Variants in PLXNA4 observed in about 807,000 individuals in gnomAD.
PLXNA4 encodes the protein plexin-A4.
Under a neutral mutation model 191.8 loss-of-function variants are expected in PLXNA4, and 44 were observed. The observed-to-expected ratio is 0.23, with a 90% CI of 0.18 to 0.29. PLXNA4 has a LOEUF of 0.29. Ranked by LOEUF, PLXNA4 falls within the 10% of genes least tolerant of loss-of-function variation. PLXNA4 has a pLI of 1.00. For synonymous variants in PLXNA4, 1,082 were observed against 1,009.5 expected (o/e 1.07, Z -1.36); for missense variants, 1,800 against 2,488.8 (o/e 0.72, Z 5.89).
At chr7:132,579,220 G>A (rs1161134236), upstream of PLXNA4, among the ~76,000 whole-genome samples, 1 of 152,058 alleles carries the variant, frequency 6.6e-6, no homozygotes, top group South Asian at 2.1e-4. Flanking sequence ...GTCCCTAATG[G>A]GTTACTTAAG....
At chr7:132,579,768 C>CT (rs111472479), upstream of PLXNA4, among the ~76,000 whole-genome samples, 5,797 of 152,224 alleles carry the variant, frequency 0.038, 258 homozygotes, top group African/African-American at 0.1. Context: ...CTCAAATTGC[C>CT]TTTCCCCGGT....
rs140417351 is a variant in PLXNA4 at position 132,390,915 on chromosome 7, T to C, written c.1372-92693A>G. On this transcript the variant is annotated intron_variant, in intron 3 of 31. Coordinates refer to ENST00000321063, the MANE Select transcript of PLXNA4 (RefSeq NM_020911.2). Reference sequence around the variant, plus strand: ...TGTCTGTAATAAGACAGTAAATTCTTTGCTGGTGACTCAAAAGCCGGTAAG... The same window carrying C: ...TGTCTGTAATAAGACAGTAAATTCTCTGCTGGTGACTCAAAAGCCGGTAAG... Among the ~76,000 whole-genome samples, 30 of 152,336 alleles carry C rather than the reference T, an allele frequency of 2.0e-4. No homozygotes were observed. In the East Asian group the frequency reaches 5.4e-3, roughly 27 times the overall value.
At chr7:132,478,478 A>AGGGAC (rs1383998514) in intron 3 of PLXNA4, among the ~76,000 whole-genome samples, 1 of 152,230 alleles carries the variant, frequency 6.6e-6, no homozygotes, top group Non-Finnish European at 1.5e-5. Context: ...GAAGAACAAA[A>AGGGAC]GGGACAGAGC....
chr7:132,237,568 GT>G (rs1798743837), intron 5 of PLXNA4, among the ~76,000 whole-genome samples: 1 of 152,148 alleles, frequency 6.6e-6, no homozygotes, highest in African/African-American at 2.4e-5. Context: ...TCCTGGAAGA[GT>G]TGGGCTTTAC....
chr7:132,614,752 A>T (rs911951383), intron 2 of PLXNA4, among the ~76,000 whole-genome samples: 3 of 152,226 alleles, frequency 2.0e-5, no homozygotes, highest in African/African-American at 7.2e-5. Flanking sequence ...CAGTTTATTC[A>T]GGTCTCTTGA....
At chr7:132,231,451 G>C (rs1315083339) in intron 5 of PLXNA4, among the ~76,000 whole-genome samples, 1 of 151,994 alleles carries the variant, frequency 6.6e-6, no homozygotes, top group Non-Finnish European at 1.5e-5. Context: ...TTGAGACAGA[G>C]TCTGGCTCTG....
chr7:132,347,208 C>G (rs1014678132), intron 3 of PLXNA4, among the ~76,000 whole-genome samples: 3 of 152,146 alleles, frequency 2.0e-5, no homozygotes, highest in African/African-American at 4.8e-5. Context: ...TCCCTTCCCC[C>G]CAAAAAAGGA....
chr7:132,238,870 C>T (rs1230874930), intron 5 of PLXNA4, among the ~76,000 whole-genome samples: 3 of 152,164 alleles, frequency 2.0e-5, no homozygotes, highest in African/African-American at 4.8e-5. Flanking sequence ...AACATTCCTG[C>T]CCCACCCTAC....
chr7:132,426,190 G>A (rs547503555), intron 3 of PLXNA4, among the ~76,000 whole-genome samples: 2 of 152,194 alleles, frequency 1.3e-5, no homozygotes, highest in Non-Finnish European at 2.9e-5. Context: ...GATGCCCAGA[G>A]CAACTGCACA....
At chr7:132,350,263 G>A (rs1249455344) in intron 3 of PLXNA4, among the ~76,000 whole-genome samples, 1 of 152,122 alleles carries the variant, frequency 6.6e-6, no homozygotes, top group East Asian at 1.9e-4. Flanking sequence ...CAGCACTTTG[G>A]GATGCTGAGG....
chr7:132,276,509 C>T (rs978459756), intron 4 of PLXNA4, among the ~76,000 whole-genome samples: 1 of 152,094 alleles, frequency 6.6e-6, no homozygotes, highest in Non-Finnish European at 1.5e-5. Context: ...GAGGAGTGCC[C>T]AGAAAGCAGG....
chr7:132,552,103 G>A (rs1800587384), intron 1 of PLXNA4, among the ~76,000 whole-genome samples: 1 of 152,146 alleles, frequency 6.6e-6, no homozygotes, highest in Non-Finnish European at 1.5e-5. Context: ...ACAGTAGATG[G>A]AAAGCTAAGT....
chr7:132,125,192 GCTGTGT>G lies in PLXNA4; in HGVS notation c.*5281_*5286del. 6.6e-6 allele frequency: 1 copy of G among 151,850 alleles called. No individual in the cohort carries two copies. Among genetic ancestry groups the G allele is most frequent in the East Asian group, 1.9e-4 (1 of 5,188 alleles). 9.4% of individuals were successfully genotyped at this position (151,850 alleles called of 1,614,324 possible). A position where few individuals can be genotyped will look rare whatever the true frequency, so the allele number is the denominator to read the frequency against. On this transcript the variant is annotated 3_prime_UTR_variant, in exon 32 of 32. Transcript: ENST00000321063. ...CAGAGTGTCCCAGCCTCATTCGGGA[GCTGTGT>G]CAGTGTTACCTGAGGCTGTGTCTCA...
chr7:132,357,105 T>C (rs1230300841), intron 3 of PLXNA4, among the ~76,000 whole-genome samples: 1 of 152,172 alleles, frequency 6.6e-6, no homozygotes, highest in Non-Finnish European at 1.5e-5. Context: ...CCAGAGTCTC[T>C]TCCAGACCCA....
At chr7:132,304,430 A>G (rs950642961) in intron 3 of PLXNA4, among the ~76,000 whole-genome samples, 25 of 152,350 alleles carry the variant, frequency 1.6e-4, no homozygotes, top group Admixed American at 7.2e-4. Flanking sequence ...AAACAAGTAA[A>G]ATTAATTTTC....
intron 9 of PLXNA4, 74 bp from the exon 10 acceptor site, chr7:132,211,217 C>T (rs906962213): frequency 3.0e-5 from 44 of 1,455,076 alleles, no homozygotes; most frequent in Middle Eastern, 1.7e-4. Flanking sequence ...AGACATAACC[C>T]GGATGTTCCC....
At chr7:132,328,232 G>A (rs1257177638) in intron 3 of PLXNA4, among the ~76,000 whole-genome samples, 1 of 152,142 alleles carries the variant, frequency 6.6e-6, no homozygotes, top group African/African-American at 2.4e-5. Flanking sequence ...TCAAAGAGGA[G>A]TGTTGGCTCC....
At chr7:132,211,288 G>A in intron 9 of PLXNA4, 145 bp from the exon 10 acceptor site, 1 of 780,986 alleles carries the variant, frequency 1.3e-6, no homozygotes, top group Non-Finnish European at 2.0e-6. Context: ...TGCCCACCCA[G>A]TGGGCAATGC....
chr7:132,448,618 C>G (rs1013537824), intron 3 of PLXNA4, among the ~76,000 whole-genome samples: 1 of 152,194 alleles, frequency 6.6e-6, no homozygotes, highest in Non-Finnish European at 1.5e-5. Context: ...TTCCTTCCTT[C>G]CTAACTAGGA....
Sources: gnomAD v4.1 joint callset for allele counts (sites outside exome capture counted in the v4.1 genomes callset) on GRCh38, gnomAD v4.1.1 for gene constraint, MANE v1.5 for transcripts, NCBI Gene and HGNC (gene_info 2026-07-23, HGNC 2026-07-21) for gene names.